ATRN: variants seen among roughly 807,000 people sequenced by gnomAD.
The protein encoded by ATRN is attractin-2.
A neutral mutation model predicts 178.7 loss-of-function variants in ATRN; 54 were observed. The ratio of observed to expected loss-of-function variants is 0.30; its 90% CI spans 0.24 to 0.38. ATRN has a LOEUF of 0.38. Ranked by LOEUF, ATRN falls within the 10% of genes least tolerant of loss-of-function variation. The pLI is 1.00. For synonymous variants in ATRN, 636 were observed against 663.0 expected (o/e 0.96, Z 0.63); for missense variants, 1,443 against 1,815.1 (o/e 0.79, Z 3.73).
chr20:3,547,568 C>A, intron 5 of ATRN, 79 bp downstream of exon 5: 1 of 1,116,864 alleles, frequency 9.0e-7, no homozygotes, highest in Non-Finnish European at 1.3e-6. Flanking sequence ...TGACTTTATT[C>A]TTAGCACCTA....
chr20:3,597,337 G>A (rs1324026926), intron 21 of ATRN, among the ~76,000 whole-genome samples: 4 of 151,934 alleles, frequency 2.6e-5, no homozygotes, highest in African/African-American at 9.7e-5. Flanking sequence ...GACAATTCCA[G>A]TTAAAAACAG....
chr20:3,503,246 A>G (rs892942192), intron 1 of ATRN, among the ~76,000 whole-genome samples: 27 of 152,324 alleles, frequency 1.8e-4, no homozygotes, highest in Admixed American at 1.6e-3. Context: ...CAGGGTGGCT[A>G]ACTGTTAAAA....
chr20:3,610,475 G>A (rs1220567928), intron 24 of ATRN, among the ~76,000 whole-genome samples: 1 of 151,904 alleles, frequency 6.6e-6, no homozygotes, highest in Non-Finnish European at 1.5e-5. Flanking sequence ...TGTCCAGGCT[G>A]GTCTTGACTC....
At chr20:3,563,160 T>G (rs1464777241) in intron 9 of ATRN, 49 bp from the exon 10 acceptor site, 1 of 1,527,112 alleles carries the variant, frequency 6.5e-7, no homozygotes, top group African/African-American at 1.4e-5. Flanking sequence ...TACATAAATA[T>G]TCTTTAAAAA....
At chr20:3,602,595 C>G (rs1018291725) in intron 23 of ATRN, among the ~76,000 whole-genome samples, 1 of 152,002 alleles carries the variant, frequency 6.6e-6, no homozygotes, top group Non-Finnish European at 1.5e-5. Context: ...CAGAAACTCT[C>G]AATGAGGAGG....
At chr20:3,476,136 C>T (rs2084526302) in intron 1 of ATRN, among the ~76,000 whole-genome samples, 1 of 152,174 alleles carries the variant, frequency 6.6e-6, no homozygotes, top group South Asian at 2.1e-4. Flanking sequence ...CAAAGCGAGA[C>T]CCTTGTCACA....
chr20:3,619,084 C>T (rs114373186), intron 24 of ATRN, among the ~76,000 whole-genome samples: 122 of 152,302 alleles, frequency 8.0e-4, no homozygotes, highest in African/African-American at 2.7e-3. Flanking sequence ...TGGGAGCCTG[C>T]GGAGATTCTG....
intron 21 of ATRN, among the ~76,000 whole-genome samples, chr20:3,597,071 T>TATATATATATATATATATAAAA (rs11087589): frequency 2.2e-5 from 3 of 134,036 alleles, no homozygotes; most frequent in African/African-American, 5.8e-5. Context: ...TATATATATA[T>TATATATATATATATATATAAAA]ATAAAACTTC....
chr20:3,507,350 G>A (rs920027807), intron 1 of ATRN, among the ~76,000 whole-genome samples: 2 of 151,296 alleles, frequency 1.3e-5, no homozygotes, highest in Admixed American at 1.3e-4. Context: ...CGGAGGATGC[G>A]GTGAACCGAG....
intron 1 of ATRN, among the ~76,000 whole-genome samples, chr20:3,497,976 G>A (rs555644661): frequency 6.6e-6 from 1 of 151,972 alleles, no homozygotes; most frequent in Non-Finnish European, 1.5e-5. Context: ...TCAAATAGAC[G>A]CAATAAAAAA....
intron 24 of ATRN, among the ~76,000 whole-genome samples, chr20:3,623,713 A>G (rs755665929): frequency 6.6e-6 from 1 of 152,206 alleles, no homozygotes; most frequent in Non-Finnish European, 1.5e-5. Flanking sequence ...ACATCTGGCT[A>G]GTAGCACGTA....
intron 25 of ATRN, 152 bp downstream of exon 25, chr20:3,624,724 C>G (rs1170482091): frequency 1.4e-6 from 1 of 690,810 alleles, no homozygotes; most frequent in Non-Finnish European, 2.4e-6. Flanking sequence ...AGTTAGATGT[C>G]AGTTACAGTA....
At chr20:3,568,012 C>T (rs919170241) in intron 11 of ATRN, among the ~76,000 whole-genome samples, 5 of 152,094 alleles carry the variant, frequency 3.3e-5, no homozygotes, top group Non-Finnish European at 7.4e-5. Flanking sequence ...GAAACCTGGC[C>T]GGGCGTAGTG....
chr20:3,492,101 A>G (rs554660629), intron 1 of ATRN, among the ~76,000 whole-genome samples: 1 of 151,818 alleles, frequency 6.6e-6, no homozygotes, highest in South Asian at 2.1e-4. Context: ...CCTAATATTC[A>G]GGGCCCTGTG....
At chr20:3,625,363 A>G (rs2086929604) in intron 25 of ATRN, among the ~76,000 whole-genome samples, 1 of 152,148 alleles carries the variant, frequency 6.6e-6, no homozygotes, top group Admixed American at 6.5e-5. Flanking sequence ...TAAATCAGTG[A>G]TCCCTATCTA....
At chr20:3,622,517 G>T (rs77822838) in intron 24 of ATRN, among the ~76,000 whole-genome samples, 1 of 152,156 alleles carries the variant, frequency 6.6e-6, no homozygotes, top group Admixed American at 6.5e-5. Context: ...TAATTACCTC[G>T]TGTAATTTTT....
intron 11 of ATRN, 101 bp downstream of exon 11, chr20:3,565,533 C>T (rs747952771): frequency 1.6e-5 from 15 of 951,262 alleles, no homozygotes; most frequent in Admixed American, 4.0e-5. Flanking sequence ...TTTGGGAGGC[C>T]GAGGCGGGTG....
chr20:3,591,166 C>G lies in ATRN; in HGVS notation c.3185-3C>G, dbSNP rs747836353. The G allele has an allele frequency of 6.2e-7, 1 of 1,613,122 alleles. No individual in the cohort carries two copies. The highest frequency in any genetic ancestry group is 8.5e-7 in the Non-Finnish European group (1 of 1,179,480). ...AGACCCCTTGAAACTCTTTTTCTTG[C>G]AGCTTGCCAATGCAACGGCCACAGT... On this transcript the variant is annotated splice_region_variant and splice_polypyrimidine_tract_variant and intron_variant, in intron 18 of 28. Transcript: ENST00000262919.
At chr20:3,589,069 G>A (rs1456075216) in intron 18 of ATRN, among the ~76,000 whole-genome samples, 2 of 130,008 alleles carry the variant, frequency 1.5e-5, no homozygotes, top group Admixed American at 9.6e-5. Context: ...TGCAACCTCC[G>A]CCTCCAGGGT....
Sources: allele counts gnomAD v4.1 joint callset (sites outside exome capture counted in the v4.1 genomes callset), GRCh38; gene constraint gnomAD v4.1.1; transcripts MANE v1.5; gene names NCBI Gene and HGNC (gene_info 2026-07-23, HGNC 2026-07-21).